BMERB1: variants seen among roughly 807,000 people sequenced by gnomAD.
The protein encoded by BMERB1 is bMERB domain containing 1.
In BMERB1, 12 loss-of-function variants were observed where a neutral mutation model predicts 23.6. The observed-to-expected ratio is 0.51, with a 90% CI of 0.33 to 0.82. BMERB1 has a LOEUF of 0.82. Ranked by LOEUF, BMERB1 falls within the 40% of genes least tolerant of loss-of-function variation. The probability of loss-of-function intolerance (pLI) is 0.03; values close to 1 mark genes in which losing one functional copy is unlikely to be tolerated. For missense variants in BMERB1, 247 were observed against 255.4 expected, an observed-to-expected ratio of 0.97 and a Z score of 0.22; for synonymous variants, 122 against 96.6, an observed-to-expected ratio of 1.26 and a Z score of -1.54.
At chr16:15,539,989 C>T (rs557543796) in intron 2 of BMERB1, among the ~76,000 whole-genome samples, 38 of 152,028 alleles carry the variant, frequency 2.5e-4, no homozygotes, top group Non-Finnish European at 4.3e-4. Flanking sequence ...GACGAAACTC[C>T]GTCTTTACAA....
At chr16:15,482,479 T>C (rs2051330003) in intron 1 of BMERB1, among the ~76,000 whole-genome samples, 1 of 152,034 alleles carries the variant, frequency 6.6e-6, no homozygotes, top group African/African-American at 2.4e-5. Flanking sequence ...GTTGGGAGAC[T>C]TTGGAGGAGG....
At chr16:15,466,386 T>C (rs955201569) in intron 1 of BMERB1, among the ~76,000 whole-genome samples, 2 of 152,222 alleles carry the variant, frequency 1.3e-5, no homozygotes, top group African/African-American at 4.8e-5. Flanking sequence ...TTTCCTCTTC[T>C]GTGAATCCTG....
intron 2 of BMERB1, among the ~76,000 whole-genome samples, chr16:15,534,496 G>A (rs1445284810): frequency 6.6e-6 from 1 of 151,926 alleles, no homozygotes; most frequent in Admixed American, 6.6e-5. Context: ...AGACGTTGCA[G>A]TGAGCCGAGA....
chr16:15,537,352 T>C (rs1598503897), intron 2 of BMERB1, among the ~76,000 whole-genome samples: 1 of 141,976 alleles, frequency 7.0e-6, no homozygotes, highest in African/African-American at 2.5e-5. Flanking sequence ...ATTTTTCTTA[T>C]TCTTAATTTT....
chr16:15,471,321 C>A (rs2051227278), intron 1 of BMERB1, among the ~76,000 whole-genome samples: 1 of 152,100 alleles, frequency 6.6e-6, no homozygotes, highest in Non-Finnish European at 1.5e-5. Context: ...GAGAAATATC[C>A]AGGCAATTTC....
chr16:15,492,011 C>T (rs1040651224), intron 1 of BMERB1, among the ~76,000 whole-genome samples: 4 of 152,108 alleles, frequency 2.6e-5, no homozygotes, highest in African/African-American at 9.7e-5. Context: ...GTGTGGCGGG[C>T]ATGTTGAATA....
intron 5 of BMERB1, 33 bp downstream of exon 5, chr16:15,583,271 A>G (rs1354131186): frequency 4.6e-6 from 7 of 1,505,790 alleles, no homozygotes; most frequent in Non-Finnish European, 5.5e-6. Flanking sequence ...CCCCTCCCCC[A>G]CAAAAGAGAA....
chr16:15,443,776 A>G (rs151034492), intron 1 of BMERB1, among the ~76,000 whole-genome samples: 2,131 of 152,102 alleles, frequency 0.014, 36 homozygotes, highest in South Asian at 0.035. Context: ...AAAATTAGCC[A>G]GATGTGGTGG....
chr16:15,536,139 G>A (rs571327394), intron 2 of BMERB1, among the ~76,000 whole-genome samples: 1 of 152,276 alleles, frequency 6.6e-6, no homozygotes, highest in Non-Finnish European at 1.5e-5. Context: ...GGAGATTTGG[G>A]AAGTGGAAGG....
At chr16:15,487,142 C>T (rs2051375715) in intron 1 of BMERB1, among the ~76,000 whole-genome samples, 1 of 152,238 alleles carries the variant, frequency 6.6e-6, no homozygotes, top group Middle Eastern at 3.4e-3. Context: ...TGCTATTGCC[C>T]TTGAATTCTA....
chr16:15,537,990 G>A (rs546922291), intron 2 of BMERB1, among the ~76,000 whole-genome samples: 1 of 152,134 alleles, frequency 6.6e-6, no homozygotes, highest in African/African-American at 2.4e-5. Flanking sequence ...ACCTATGAAA[G>A]CATTTTGGAG....
At chr16:15,501,100 A>G (rs1185110007) in intron 1 of BMERB1, among the ~76,000 whole-genome samples, 3 of 152,172 alleles carry the variant, frequency 2.0e-5, no homozygotes, top group Non-Finnish European at 4.4e-5. Flanking sequence ...ATTGGATTAA[A>G]TAAAATATGT....
At chr16:15,580,736 G>A (rs1366825780) in intron 3 of BMERB1, among the ~76,000 whole-genome samples, 5 of 151,312 alleles carry the variant, frequency 3.3e-5, no homozygotes, top group Non-Finnish European at 7.4e-5. Context: ...TAGTAGAGAC[G>A]GGGTTCCACC....
intron 1 of BMERB1, among the ~76,000 whole-genome samples, chr16:15,483,470 C>A (rs1434248217): frequency 2.6e-5 from 4 of 152,128 alleles, no homozygotes; most frequent in African/African-American, 9.7e-5. Flanking sequence ...ACCTCTGCCT[C>A]CTGGGTTCAA....
intron 2 of BMERB1, among the ~76,000 whole-genome samples, chr16:15,553,993 A>T (rs115740807): frequency 1.3e-5 from 2 of 152,102 alleles, no homozygotes; most frequent in Admixed American, 6.5e-5. Context: ...TATGTCCCTG[A>T]TATGTCCTAA....
chr16:15,550,672 C>T (rs966576126), intron 2 of BMERB1, among the ~76,000 whole-genome samples: 2 of 152,030 alleles, frequency 1.3e-5, no homozygotes, highest in African/African-American at 2.4e-5. Context: ...ACTGAAAGAA[C>T]GGGATAAAGT....
Position 15,538,084 on chromosome 16 carries a change from T to C in BMERB1, c.230+22656T>C, listed in dbSNP as rs137949954. 3.3e-5 allele frequency among the ~76,000 whole-genome samples: 5 copies of C among 152,324 alleles called. No homozygotes were observed. In the East Asian group the frequency reaches 9.6e-4, roughly 29 times the overall value. The stretch of plus-strand genomic sequence containing the variant: ...TGAAAGCAACACTTTGGGAAATGCC[T>C]GAATAAACTGACATCTTGAGTCGAT... On this transcript the variant is annotated intron_variant, in intron 2 of 5. Transcript: ENST00000300006.
chr16:15,561,720 C>T (rs1273999317), intron 2 of BMERB1, among the ~76,000 whole-genome samples: 1 of 152,126 alleles, frequency 6.6e-6, no homozygotes, highest in Non-Finnish European at 1.5e-5. Flanking sequence ...TGGCAAGATT[C>T]TGTCTCTACA....
chr16:15,477,041 G>T (rs928911867), intron 1 of BMERB1, among the ~76,000 whole-genome samples: 5 of 152,180 alleles, frequency 3.3e-5, no homozygotes, highest in African/African-American at 1.2e-4. Flanking sequence ...TGGGAGGATT[G>T]CTTGAGGCTA....
Sources: gnomAD v4.1 joint callset for allele counts (sites outside exome capture counted in the v4.1 genomes callset) on GRCh38, gnomAD v4.1.1 for gene constraint, MANE v1.5 for transcripts, NCBI Gene and HGNC (gene_info 2026-07-23, HGNC 2026-07-21) for gene names.